KYNU: variants seen among roughly 807,000 people sequenced by gnomAD.
The protein encoded by KYNU is L-kynurenine hydrolase.
In KYNU, 54 loss-of-function variants were observed where a neutral mutation model predicts 59.2. That is an observed-to-expected ratio of 0.91 (90% CI 0.73 to 1.14). KYNU has a LOEUF of 1.14. Among genes scored for constraint, KYNU ranks in the 50% most tolerant of loss-of-function variants. KYNU has a pLI of 0.00. For synonymous variants in KYNU, 177 were observed against 192.0 expected (o/e 0.92, Z 0.65); for missense variants, 567 against 554.4 (o/e 1.02, Z -0.23).
chr2:143,026,624 A>G (rs444863), intron 10 of KYNU, among the ~76,000 whole-genome samples: 54,057 of 152,052 alleles, frequency 0.36, 10,583 homozygotes, highest in East Asian at 0.52. Flanking sequence ...CTGACCCCAC[A>G]CTTTAGAACC....
Position 143,029,702 on chromosome 2 carries a change from A to G in KYNU, c.955+23A>G, listed in dbSNP as rs201682841. The G allele has an allele frequency of 3.6e-6, 5 of 1,379,526 alleles. No individual in the cohort carries two copies. In the East Asian group the frequency reaches 1.1e-4, roughly 31 times the overall value. The allele number at this position is 1,379,526 out of a possible 1,614,324, so 85.5% of individuals were successfully genotyped here. On this transcript the variant is annotated intron_variant, in intron 11 of 13. Coordinates refer to ENST00000264170, the MANE Select transcript of KYNU (RefSeq NM_003937.3). ...ACAGTAAGTGTATTTATTTTACCTA[A>G]TGCCATTTTTATTTTAACTTTATTT... is the stretch of plus-strand genomic sequence containing the variant.
intron 4 of KYNU, chr2:142,947,746 G>A (rs1683842746): frequency 6.5e-6 from 1 of 153,172 alleles, no homozygotes; most frequent in Non-Finnish European, 1.5e-5. Flanking sequence ...ATAATGCTGT[G>A]TGCTATAATT....
chr2:142,930,532 CT>C (rs961804904), intron 4 of KYNU, among the ~76,000 whole-genome samples: 19 of 152,284 alleles, frequency 1.2e-4, no homozygotes, highest in African/African-American at 4.3e-4. Flanking sequence ...GTGCAAAGTG[CT>C]GTCAGGGTTG....
At chr2:142,933,674 AAG>A (rs1461746961) in intron 4 of KYNU, among the ~76,000 whole-genome samples, 1 of 152,104 alleles carries the variant, frequency 6.6e-6, no homozygotes, top group African/African-American at 2.4e-5. Context: ...AGAAGTTTAA[AAG>A]AGAGAGATAG....
chr2:143,029,878 C>A (rs1350297194), intron 11 of KYNU, among the ~76,000 whole-genome samples, 199 bp downstream of exon 11: 2 of 152,078 alleles, frequency 1.3e-5, no homozygotes, highest in African/African-American at 4.8e-5. Flanking sequence ...TTGAGTCTAT[C>A]CCTTAGCAGG....
At chr2:142,886,090 C>G (rs1573748534) in intron 2 of KYNU, among the ~76,000 whole-genome samples, 2 of 152,102 alleles carry the variant, frequency 1.3e-5, no homozygotes, top group South Asian at 4.2e-4. Flanking sequence ...ATGTAGTAAT[C>G]TGACTCTGTT....
intron 11 of KYNU, among the ~76,000 whole-genome samples, chr2:143,030,524 G>T (rs550707588): frequency 6.6e-6 from 1 of 152,082 alleles, no homozygotes; most frequent in South Asian, 2.1e-4. Context: ...CACCTAGGCC[G>T]GAGTACAGTG....
chr2:143,040,370 T>C, intron 12 of KYNU, 58 bp from the exon 13 acceptor site: 1 of 1,221,204 alleles, frequency 8.2e-7, no homozygotes, highest in East Asian at 2.3e-5. Flanking sequence ...TTACTCTTAA[T>C]TTTTGCTTCT....
chr2:142,903,974 C>T (rs113584889), intron 2 of KYNU, among the ~76,000 whole-genome samples: 6 of 152,138 alleles, frequency 3.9e-5, no homozygotes, highest in African/African-American at 9.7e-5. Context: ...TTCTTTATCC[C>T]GTTTATCCTG....
chr2:142,945,662 A>G (rs76127464), intron 4 of KYNU, among the ~76,000 whole-genome samples: 14,847 of 152,206 alleles, frequency 0.098, 934 homozygotes, highest in East Asian at 0.33. Context: ...GAAGGTTTTC[A>G]ACTGACTTTG....
In KYNU at chr2:143,043,883, C is replaced by T. The variant is rs1186727717; in HGVS notation, c.*1711C>T. On this transcript the variant is annotated 3_prime_UTR_variant, in exon 14 of 14. Coordinates refer to ENST00000264170, the MANE Select transcript of KYNU (RefSeq NM_003937.3). ...TAAGTTCTTGGATACACGTGCAGAA[C>T]ATGCAGGTTTGTTACATAGGTATAC... The T allele has an allele frequency of 1.3e-5, 2 of 149,770 alleles. No homozygotes were observed. Among genetic ancestry groups the T allele is most frequent in the Non-Finnish European group, 3.0e-5 (2 of 67,588 alleles). The allele number at this position is 149,770 out of a possible 1,614,324, so 9.3% of individuals were successfully genotyped here. A position where few individuals can be genotyped will look rare whatever the true frequency, so the allele number is the denominator to read the frequency against.
intron 4 of KYNU, among the ~76,000 whole-genome samples, chr2:142,930,934 G>A (rs1008899627): frequency 7.9e-5 from 12 of 152,320 alleles, no homozygotes; most frequent in Admixed American, 1.3e-4. Context: ...CTGGGTGCAG[G>A]CGGGCTGAGG....
chr2:142,959,378 G>A (rs1684266557), intron 7 of KYNU, among the ~76,000 whole-genome samples: 1 of 152,030 alleles, frequency 6.6e-6, no homozygotes, highest in Non-Finnish European at 1.5e-5. Flanking sequence ...CGTGAGGCCG[G>A]GAGTTCAAGA....
At chr2:143,020,910 C>T (rs1686388002) in intron 10 of KYNU, among the ~76,000 whole-genome samples, 1 of 152,148 alleles carries the variant, frequency 6.6e-6, no homozygotes, top group Admixed American at 6.5e-5. Context: ...CAAAGTAATA[C>T]ATGGGAGTTA....
rs112924730 is a variant in KYNU at position 142,904,837 on chromosome 2, T to C, written c.170-13772T>C. Among the ~76,000 whole-genome samples the C allele has an allele frequency of 8.5e-4, 129 of 152,256 alleles. 1 individual carries two copies. Among genetic ancestry groups the C allele is most frequent in the Non-Finnish European group, 1.5e-3 (105 of 68,020 alleles). On this transcript the variant is annotated intron_variant, in intron 2 of 13. Coordinates refer to ENST00000264170, the MANE Select transcript of KYNU (RefSeq NM_003937.3). ...TTATCGGATTAGTTGTGCTCACCAA[T>C]GTAGCAGTCCTGCACCCCTTTTCCC...
intron 1 of KYNU, among the ~76,000 whole-genome samples, chr2:142,884,252 G>T (rs1339116985): frequency 1.3e-5 from 2 of 152,172 alleles, no homozygotes; most frequent in African/African-American, 4.8e-5. Context: ...AACAGCAGCA[G>T]GTGGATGAAT....
At chr2:142,982,813 A>G (rs956779792) in intron 8 of KYNU, among the ~76,000 whole-genome samples, 2 of 152,050 alleles carry the variant, frequency 1.3e-5, no homozygotes, top group Non-Finnish European at 2.9e-5. Flanking sequence ...ACCAAATAGT[A>G]TTAAGCAAGG....
intron 5 of KYNU, among the ~76,000 whole-genome samples, chr2:142,955,714 G>A (rs1167893476): frequency 1.3e-5 from 2 of 151,970 alleles, no homozygotes; most frequent in African/African-American, 4.8e-5. Context: ...CATCTTCGTT[G>A]TTATTGTTGT....
chr2:142,982,039 A>G (rs1685065544), intron 8 of KYNU, among the ~76,000 whole-genome samples: 1 of 152,094 alleles, frequency 6.6e-6, no homozygotes, highest in African/African-American at 2.4e-5. Context: ...TAGGGAAAAC[A>G]CCTGTATTTG....
Sources: allele counts gnomAD v4.1 joint callset (sites outside exome capture counted in the v4.1 genomes callset), GRCh38; gene constraint gnomAD v4.1.1; transcripts MANE v1.5; gene names NCBI Gene and HGNC (gene_info 2026-07-23, HGNC 2026-07-21).